The following LMO2 variants were observed in gnomAD, a reference collection of about 807,000 sequenced individuals.
LMO2 encodes the protein LIM domain only 2.
Under a neutral mutation model 23.2 loss-of-function variants are expected in LMO2, and 20 were observed. The ratio of observed to expected loss-of-function variants is 0.86; its 90% CI spans 0.61 to 1.25. The LOEUF (loss-of-function observed/expected upper bound fraction) is 1.25. Ranked by LOEUF, LMO2 falls within the 50% of genes most tolerant of loss-of-function variation. The pLI is 0.00. For synonymous variants in LMO2, 123 were observed against 130.2 expected, an observed-to-expected ratio of 0.94 and a Z score of 0.38; for missense variants, 270 against 315.3, an observed-to-expected ratio of 0.86 and a Z score of 1.09.
chr11:33,860,154 G>A (rs1383274026), intron 5 of LMO2, among the ~76,000 whole-genome samples: 1 of 152,190 alleles, frequency 6.6e-6, no homozygotes, highest in Non-Finnish European at 1.5e-5. Flanking sequence ...GCTGCTGGGA[G>A]ACAGGGAGTT....
rs371460724 is a variant in LMO2, at chr11:33,881,731, G to C, written c.-272+93C>G. The C allele has an allele frequency of 4.9e-4, 124 of 255,336 alleles. 1 individual carries two copies. The highest frequency in any genetic ancestry group is 2.5e-3 in the African/African-American group (111 of 43,742). The allele number at this position is 255,336 out of a possible 1,614,324, so 15.8% of individuals were successfully genotyped here. On this transcript the variant is annotated intron_variant, in intron 2 of 5. Transcript: ENST00000257818. ...TCATTCTGCCCAGGATTAAATCCAA[G>C]AGCCTTCTTAGCCCAGTTTCTGGCA...
In LMO2 at chr11:33,880,812, C is replaced by G. The variant is rs1364784233; in HGVS notation, c.-272+1012G>C. The G allele has an allele frequency of 4.8e-6, 1 of 208,362 alleles. No individual in the cohort carries two copies. The highest frequency in any genetic ancestry group is 2.4e-5 in the African/African-American group (1 of 42,348). The allele number at this position is 208,362 out of a possible 1,614,324, so 12.9% of individuals were successfully genotyped here. A position where few individuals can be genotyped will look rare whatever the true frequency, so the allele number is the denominator to read the frequency against. On this transcript the variant is annotated intron_variant, in intron 2 of 5. Transcript: ENST00000257818. The surrounding 1 kb of genome is among the most constrained non-coding windows in gnomAD (Gnocchi z 4.3). ...GGTCTTCTCAGGTTCATCTGTGGAA[C>G]CATTCGACAACCAAATGTTATGGGG...
chr11:33,867,446 A>G (rs902550691), intron 4 of LMO2, among the ~76,000 whole-genome samples: 17 of 152,252 alleles, frequency 1.1e-4, no homozygotes, highest in Admixed American at 1.0e-3. Context: ...ATATCACATT[A>G]TACTTAGTGG....
At chr11:33,868,332 C>G (rs1277373521) in intron 4 of LMO2, among the ~76,000 whole-genome samples, 1 of 152,188 alleles carries the variant, frequency 6.6e-6, no homozygotes, top group East Asian at 1.9e-4. Context: ...AAACAAATGT[C>G]TCTTAAAAGC....
intron 2 of LMO2, chr11:33,881,444 C>T (rs573975316): frequency 1.8e-5 from 8 of 455,264 alleles, no homozygotes; most frequent in East Asian, 1.4e-4. Context: ...TTTCCATCCT[C>T]GCCTTCACAA....
chr11:33,861,467 C>T (rs1440578755), intron 5 of LMO2, among the ~76,000 whole-genome samples: 1 of 152,198 alleles, frequency 6.6e-6, no homozygotes, highest in African/African-American at 2.4e-5. Flanking sequence ...GCCTCTGAAT[C>T]CTGCTTTCCA....
At chr11:33,860,132 G>A (rs546328831) in intron 5 of LMO2, among the ~76,000 whole-genome samples, 8 of 152,054 alleles carry the variant, frequency 5.3e-5, no homozygotes, top group African/African-American at 9.7e-5. Context: ...CTGATTATTC[G>A]CTGGGGCCCC....
chr11:33,866,718 T>C (rs1856799328), intron 4 of LMO2, among the ~76,000 whole-genome samples: 1 of 152,336 alleles, frequency 6.6e-6, no homozygotes, highest in Admixed American at 6.5e-5. Context: ...CAATCTCGGC[T>C]CACTGCAACC....
At position 33,859,310 on chromosome 11, in the gene LMO2, G is replaced by A. The variant is rs376400546; in HGVS notation, c.*46C>T. 5.8e-5 allele frequency: 82 copies of A among 1,425,728 alleles called. No homozygotes were observed. The highest frequency in any genetic ancestry group is 3.7e-4 in the African/African-American group (26 of 71,140). 88.3% of individuals were successfully genotyped at this position (1,425,728 alleles called of 1,614,324 possible). A position where few individuals can be genotyped will look rare whatever the true frequency, so the allele number is the denominator to read the frequency against. ...GTGAAGACGAAGATGCCATGGAGAC[G>A]GCGTCTTCAGTGAACACCTCCCCAA... is the stretch of plus-strand genomic sequence containing the variant. On this transcript the variant is annotated 3_prime_UTR_variant, in exon 6 of 6. Coordinates refer to ENST00000257818, the MANE Select transcript of LMO2 (RefSeq NM_005574.4).
chr11:33,867,778 T>C (rs1177457110), intron 4 of LMO2, among the ~76,000 whole-genome samples: 1 of 152,346 alleles, frequency 6.6e-6, no homozygotes, highest in East Asian at 1.9e-4. Context: ...GCACAAACTT[T>C]GAAAGAAGCA....
intron 2 of LMO2, among the ~76,000 whole-genome samples, chr11:33,875,564 G>A (rs923851253): frequency 2.1e-5 from 2 of 95,978 alleles, no homozygotes; most frequent in Non-Finnish European, 3.9e-5. Flanking sequence ...GGCGATAAGA[G>A]CAAAACTCCT....
intron 4 of LMO2, among the ~76,000 whole-genome samples, chr11:33,865,977 AAAAAC>A (rs1222593015): frequency 6.6e-6 from 1 of 152,228 alleles, no homozygotes; most frequent in Non-Finnish European, 1.5e-5. Flanking sequence ...TTATGTTTCA[AAAAAC>A]AGACCTTCTT....
chr11:33,890,589 C>A (rs758317487), intron 1 of LMO2, among the ~76,000 whole-genome samples: 5 of 152,126 alleles, frequency 3.3e-5, no homozygotes, highest in Non-Finnish European at 7.4e-5. Flanking sequence ...TGACCTCAGG[C>A]GATCTGCCTG....
At chr11:33,881,238 T>C (rs1345272163) in intron 2 of LMO2, 6 of 457,200 alleles carry the variant, frequency 1.3e-5, no homozygotes, top group Admixed American at 2.3e-5. Context: ...GCTACAGTGC[T>C]TCCCATCACA....
At chr11:33,890,216 A>G (rs180705928) in intron 1 of LMO2, among the ~76,000 whole-genome samples, 1 of 152,254 alleles carries the variant, frequency 6.6e-6, no homozygotes, top group Admixed American at 6.5e-5. Flanking sequence ...AGATATCAAT[A>G]GATATCAATC....
chr11:33,878,518 T>C (rs1387320322), intron 2 of LMO2, among the ~76,000 whole-genome samples: 2 of 152,230 alleles, frequency 1.3e-5, no homozygotes, highest in Non-Finnish European at 2.9e-5. Flanking sequence ...AATGTAGGGT[T>C]AGGAGTAGTC....
intron 2 of LMO2, 172 bp downstream of exon 2, chr11:33,881,652 A>G (rs1857286449): frequency 8.9e-6 from 3 of 335,718 alleles, no homozygotes; most frequent in African/African-American, 4.3e-5. Flanking sequence ...ACAATTTACA[A>G]TTCCGCATTT....
intron 1 of LMO2, among the ~76,000 whole-genome samples, chr11:33,885,944 T>C (rs1470459858): frequency 6.6e-6 from 1 of 152,108 alleles, no homozygotes; most frequent in Non-Finnish European, 1.5e-5. Context: ...GGCACAATCT[T>C]GGCTCATTGC....
chr11:33,878,657 A>G (rs985777895), intron 2 of LMO2, among the ~76,000 whole-genome samples: 1 of 152,200 alleles, frequency 6.6e-6, no homozygotes, highest in African/African-American at 2.4e-5. Flanking sequence ...AATCTTGTCC[A>G]ATGTGGACCC....
Sources: allele counts gnomAD v4.1 joint callset (sites outside exome capture counted in the v4.1 genomes callset), GRCh38; gene constraint gnomAD v4.1.1; non-coding constraint Gnocchi (gnomAD v3.1); transcripts MANE v1.5; gene names NCBI Gene and HGNC (gene_info 2026-07-23, HGNC 2026-07-21).